The following RAD9B variants were observed in gnomAD, a reference collection of about 807,000 sequenced individuals.
RAD9B encodes the protein cell cycle checkpoint control protein RAD9B.
A neutral mutation model predicts 48.3 loss-of-function variants in RAD9B; 41 were observed. The ratio of observed to expected loss-of-function variants is 0.85; its 90% confidence interval spans 0.66 to 1.10. The LOEUF (loss-of-function observed/expected upper bound fraction) is 1.10, where lower values mean the gene tolerates loss of function less well. RAD9B is among the 50% of genes least tolerant of loss of function. The pLI is 0.00. For synonymous variants in RAD9B, 160 were observed against 157.9 expected (o/e 1.01, Z -0.10); for missense variants, 444 against 485.1 (o/e 0.92, Z 0.80).
chr12:110,530,950 C>T lies in RAD9B; in HGVS notation c.*297C>T. On this transcript the variant is annotated 3_prime_UTR_variant, in exon 11 of 11. Coordinates refer to ENST00000409300, the MANE Select transcript of RAD9B (RefSeq NM_001286535.2). Reference sequence around the variant, plus strand: ...TGCACGTTCACCCTAGAGCTTTTAACATCTTTGCTAGTTTTATAAAGGTAT... The same window carrying T: ...TGCACGTTCACCCTAGAGCTTTTAATATCTTTGCTAGTTTTATAAAGGTAT... 9.3e-7 allele frequency: 1 copy of T among 1,076,644 alleles called. No individual in the cohort carries two copies. Among genetic ancestry groups the T allele is most frequent in the Non-Finnish European group, 1.1e-6 (1 of 888,328 alleles). 66.7% of individuals were successfully genotyped at this position (1,076,644 alleles called of 1,614,324 possible). A position where few individuals can be genotyped will look rare whatever the true frequency, so the allele number is the denominator to read the frequency against.
intron 6 of RAD9B, 67 bp downstream of exon 6, chr12:110,515,223 A>G (rs761954395): frequency 6.0e-5 from 47 of 778,142 alleles, no homozygotes; most frequent in Admixed American, 1.2e-4. Flanking sequence ...TACTAACCAT[A>G]CTGCAAATAT....
chr12:110,506,355 A>T (rs2063268035), intron 3 of RAD9B, among the ~76,000 whole-genome samples: 2 of 149,386 alleles, frequency 1.3e-5, no homozygotes, highest in African/African-American at 4.9e-5. Context: ...CGCCTGGCTA[A>T]TTTTTTCTAT....
chr12:110,528,878 TCAC>T (rs1206585331), intron 10 of RAD9B, among the ~76,000 whole-genome samples: 1 of 151,866 alleles, frequency 6.6e-6, no homozygotes, highest in Non-Finnish European at 1.5e-5. Context: ...CAGGCATGCA[TCAC>T]CACACCCAGC....
intron 4 of RAD9B, among the ~76,000 whole-genome samples, chr12:110,511,015 A>G (rs1328553309): frequency 6.6e-6 from 1 of 152,128 alleles, no homozygotes; most frequent in African/African-American, 2.4e-5. Flanking sequence ...GAGAAAAGAA[A>G]AGAAAAGAAT....
At position 110,519,743 on chromosome 12, in the gene RAD9B, A is replaced by G; in HGVS notation, c.768-51A>G. 1.9e-6 allele frequency: 3 copies of G among 1,559,718 alleles called. No homozygotes were observed. In the South Asian group the frequency reaches 3.6e-5, roughly 19 times the overall value. ...TAAGTATCATTTCTAATGTGTTTCT[A>G]ATGTCCATCAGAAAATGAGTGTCAC... is the stretch of plus-strand genomic sequence containing the variant. On this transcript the variant is annotated intron_variant, in intron 8 of 10. Coordinates refer to ENST00000409300, the MANE Select transcript of RAD9B (RefSeq NM_001286535.2).
In RAD9B at chr12:110,532,512, C is replaced by A. The variant is rs1327484785; in HGVS notation, c.*1859C>A. 1.3e-5 allele frequency among the ~76,000 whole-genome samples: 2 copies of A among 152,172 alleles called. No homozygotes were observed. On this transcript the variant is annotated 3_prime_UTR_variant, in exon 11 of 11. Coordinates refer to ENST00000409300, the MANE Select transcript of RAD9B (RefSeq NM_001286535.2). ...GTTGAGCCCAGCAGTTCAAGACTAG[C>A]CTGGGCAACATGGTGAGATCCCATC...
At chr12:110,511,566 G>T (rs2063459541) in intron 4 of RAD9B, 1 of 426,700 alleles carries the variant, frequency 2.3e-6, no homozygotes, top group Non-Finnish European at 4.7e-6. Flanking sequence ...GATACCAGAG[G>T]CTGGTAATGG....
intron 1 of RAD9B, chr12:110,502,667 G>C (rs1185846497): frequency 2.5e-6 from 1 of 395,538 alleles, no homozygotes; most frequent in African/African-American, 2.1e-5. Context: ...ATGGGGAAGA[G>C]TTGAGAGAAA....
chr12:110,523,984 C>T (rs767507901), intron 10 of RAD9B, among the ~76,000 whole-genome samples: 5 of 152,150 alleles, frequency 3.3e-5, no homozygotes, highest in Non-Finnish European at 7.3e-5. Context: ...ATCCTCTGTG[C>T]CTCTGTTCTC....
chr12:110,506,712 G>A lies in RAD9B; in HGVS notation c.388+19G>A, dbSNP rs749337473. ...AGACATGGTAGGTATAATTAAAAGT[G>A]GTTTAAAATACTATGTTTTTTTCTC... On this transcript the variant is annotated intron_variant, in intron 4 of 10. Coordinates refer to ENST00000409300, the MANE Select transcript of RAD9B (RefSeq NM_001286535.2). The A allele has an allele frequency of 3.4e-6, 4 of 1,182,808 alleles. No homozygotes were observed. Among genetic ancestry groups the A allele is most frequent in the Non-Finnish European group, 5.0e-6 (4 of 803,026 alleles). 73.3% of individuals were successfully genotyped at this position (1,182,808 alleles called of 1,614,324 possible).
In RAD9B at chr12:110,530,658, TAATG is replaced by T. The variant is rs774391501; in HGVS notation, c.*7_*10del. The T allele has an allele frequency of 6.2e-7, 1 of 1,613,702 alleles. No homozygotes were observed. Among genetic ancestry groups the T allele is most frequent in the East Asian group, 2.2e-5 (1 of 44,880 alleles). ...GGCAGTTTCTCTATATTCTAATGCT[TAATG>T]ATGGCTGAGCTGGGCCCCAGCCCAG... On this transcript the variant is annotated 3_prime_UTR_variant, in exon 11 of 11. Coordinates refer to ENST00000409300, the MANE Select transcript of RAD9B (RefSeq NM_001286535.2).
Position 110,522,176 on chromosome 12 carries a change from G to C in RAD9B, c.891-1G>C. On this transcript the variant is annotated splice_acceptor_variant, in intron 9 of 10. Transcript: ENST00000409300. LOFTEE classifies it high-confidence loss of function. ...TCATTTAATGCCTATTAATACCTCA[G>C]GTCAGATCTGATTGAAAAAAAGGCT... 6.4e-7 allele frequency: 1 copy of C among 1,567,026 alleles called. No individual in the cohort carries two copies. Among genetic ancestry groups the C allele is most frequent in the South Asian group, 1.2e-5 (1 of 85,424 alleles).
chr12:110,531,130 A>G lies in RAD9B; in HGVS notation c.*477A>G. 4 of 992,630 alleles carry G rather than the reference A, an allele frequency of 4.0e-6. No individual in the cohort carries two copies. The highest frequency in any genetic ancestry group is 3.6e-6 in the Non-Finnish European group (3 of 833,836). 61.5% of individuals were successfully genotyped at this position (992,630 alleles called of 1,614,324 possible). A position where few individuals can be genotyped will look rare whatever the true frequency, so the allele number is the denominator to read the frequency against. On this transcript the variant is annotated 3_prime_UTR_variant, in exon 11 of 11. Coordinates refer to ENST00000409300, the MANE Select transcript of RAD9B (RefSeq NM_001286535.2). Reference sequence around the variant, plus strand: ...TGGCCTTTTTTGTGCATTGTTTTTTATATTTTAAGACTTTAAGTAGAATAA... The same window carrying G: ...TGGCCTTTTTTGTGCATTGTTTTTTGTATTTTAAGACTTTAAGTAGAATAA...
chr12:110,531,901 G>A lies in RAD9B; in HGVS notation c.*1248G>A, dbSNP rs989138140. ...TCTGAAACCTTCAAACCGTAAGGAA[G>A]TGTTAACTGGCAAGCAGTTGTACTT... On this transcript the variant is annotated 3_prime_UTR_variant, in exon 11 of 11. Coordinates refer to ENST00000409300, the MANE Select transcript of RAD9B (RefSeq NM_001286535.2). 2.5e-6 allele frequency: 1 copy of A among 402,854 alleles called. No individual in the cohort carries two copies. Among genetic ancestry groups the A allele is most frequent in the African/African-American group, 2.1e-5 (1 of 47,254 alleles). 25.0% of individuals were successfully genotyped at this position (402,854 alleles called of 1,614,324 possible).
At chr12:110,516,433 T>A (rs1304609778) in intron 6 of RAD9B, among the ~76,000 whole-genome samples, 4 of 152,186 alleles carry the variant, frequency 2.6e-5, no homozygotes, top group Non-Finnish European at 4.4e-5. Context: ...TTATTAAACT[T>A]CTTCTATGCT....
chr12:110,507,410 AAATAT>A (rs2063314063), intron 4 of RAD9B, among the ~76,000 whole-genome samples: 1 of 142,674 alleles, frequency 7.0e-6, no homozygotes, highest in African/African-American at 2.6e-5. Context: ...TATATGTATT[AAATAT>A]AATATATAAT....
At chr12:110,512,925 A>G (rs754078016) in intron 5 of RAD9B, 47 bp downstream of exon 5, 2 of 910,032 alleles carry the variant, frequency 2.2e-6, no homozygotes, top group Admixed American at 2.3e-5. Flanking sequence ...ATACAGTATG[A>G]TCATGGAGTG....
At chr12:110,527,993 G>A (rs2063998444) in intron 10 of RAD9B, among the ~76,000 whole-genome samples, 1 of 152,158 alleles carries the variant, frequency 6.6e-6, no homozygotes, top group Admixed American at 6.5e-5. Context: ...CAGAGCCAGA[G>A]GGAGACAGTG....
chr12:110,505,201 A>C (rs1270394998), intron 2 of RAD9B, among the ~76,000 whole-genome samples: 1 of 152,192 alleles, frequency 6.6e-6, no homozygotes, highest in South Asian at 2.1e-4. Context: ...ATATAGGTGT[A>C]TAATAAATTA....
Sources: gnomAD v4.1 joint callset for allele counts (sites outside exome capture counted in the v4.1 genomes callset) on GRCh38, gnomAD v4.1.1 for gene constraint, MANE v1.5 for transcripts, NCBI Gene and HGNC (gene_info 2026-07-23, HGNC 2026-07-21) for gene names.